FHIT: variants seen among roughly 807,000 people sequenced by gnomAD.
The protein encoded by FHIT is bis(5'-adenosyl)-triphosphatase.
FHIT carries 19 observed loss-of-function variants against 17.9 expected under a neutral mutation model. The observed-to-expected ratio is 1.06, with a 90% CI of 0.74 to 1.56. The LOEUF (loss-of-function observed/expected upper bound fraction) is 1.56. Ranked by LOEUF, FHIT falls within the 40% of genes most tolerant of loss-of-function variation. FHIT has a pLI of 0.00. For missense variants in FHIT, 248 were observed against 189.2 expected (o/e 1.31, Z -1.82); for synonymous variants, 81 against 69.7 (o/e 1.16, Z -0.81).
intron 3 of FHIT, among the ~76,000 whole-genome samples, chr3:61,037,026 C>CT (rs1232902010): frequency 6.6e-6 from 1 of 151,884 alleles, no homozygotes; most frequent in Admixed American, 6.6e-5. Flanking sequence ...ACTCTACTGC[C>CT]TCAGCCTCTC....
chr3:60,795,246 T>C (rs940498477), intron 4 of FHIT, among the ~76,000 whole-genome samples: 18 of 152,228 alleles, frequency 1.2e-4, no homozygotes, highest in African/African-American at 4.3e-4. Flanking sequence ...TTAAATAGAA[T>C]TAACATTATC....
intron 5 of FHIT, among the ~76,000 whole-genome samples, chr3:60,411,904 ACTT>A (rs1312770692): frequency 6.6e-6 from 1 of 152,146 alleles, no homozygotes; most frequent in Non-Finnish European, 1.5e-5. Context: ...CTGCTGGATG[ACTT>A]CTTAGAAAAG....
rs552087079 is a variant in FHIT at position 60,008,063 on chromosome 3, G to A, written c.279+3308C>T. ...ATGACAAAATCCAGGTCCTCACAAA[G>A]CTTACCTTCTCAAAGAACTAGAGAA... On this transcript the variant is annotated intron_variant, in intron 7 of 9. Coordinates refer to ENST00000492590, the MANE Select transcript of FHIT (RefSeq NM_002012.4). 2.0e-5 allele frequency among the ~76,000 whole-genome samples: 3 copies of A among 152,228 alleles called. No individual in the cohort carries two copies. The East Asian group carries it at 5.8e-4, about 29-fold the overall frequency.
At chr3:59,950,624 A>T (rs113203271) in intron 7 of FHIT, among the ~76,000 whole-genome samples, 45 of 152,072 alleles carry the variant, frequency 3.0e-4, no homozygotes, top group Admixed American at 5.9e-4. Context: ...ACTACTCTCC[A>T]CCAGAATCAG....
intron 5 of FHIT, among the ~76,000 whole-genome samples, chr3:60,388,160 C>T (rs1447226050): frequency 2.0e-5 from 3 of 152,162 alleles, no homozygotes; most frequent in African/African-American, 4.8e-5. Context: ...TATTCTTTTA[C>T]AGCACACAAA....
chr3:60,427,276 G>T (rs1041507005), intron 5 of FHIT, among the ~76,000 whole-genome samples: 25 of 152,242 alleles, frequency 1.6e-4, no homozygotes, highest in African/African-American at 5.8e-4. Flanking sequence ...GTAGCCGAAA[G>T]ATAATGGGTG....
intron 1 of FHIT, among the ~76,000 whole-genome samples, chr3:61,239,147 T>C (rs191733590): frequency 6.6e-6 from 1 of 151,334 alleles, no homozygotes; most frequent in African/African-American, 2.4e-5. Context: ...AGCAGATGAG[T>C]GGAAGAGAGG....
intron 5 of FHIT, among the ~76,000 whole-genome samples, chr3:60,029,767 G>A (rs1700907884): frequency 1.3e-5 from 2 of 152,150 alleles, no homozygotes; most frequent in African/African-American, 4.8e-5. Flanking sequence ...CAAGTGAGGA[G>A]AATTACCTAA....
intron 8 of FHIT, among the ~76,000 whole-genome samples, chr3:59,909,364 C>G (rs1704753686): frequency 6.6e-6 from 1 of 151,986 alleles, no homozygotes; most frequent in Non-Finnish European, 1.5e-5. Context: ...GAGTCTGGCT[C>G]TGTCACCCAG....
intron 7 of FHIT, among the ~76,000 whole-genome samples, chr3:59,972,724 C>A (rs566977682): frequency 6.6e-6 from 1 of 152,260 alleles, no homozygotes; most frequent in African/African-American, 2.4e-5. Flanking sequence ...GGCTTATACC[C>A]TAGTTTAGCT....
At chr3:60,581,055 C>T (rs531274783) in intron 4 of FHIT, among the ~76,000 whole-genome samples, 2 of 152,164 alleles carry the variant, frequency 1.3e-5, no homozygotes, top group East Asian at 3.9e-4. Context: ...TTAGAGAGTA[C>T]ACAAGAAGCA....
intron 5 of FHIT, among the ~76,000 whole-genome samples, chr3:60,108,304 G>A (rs12630887): frequency 0.34 from 51,934 of 152,054 alleles, 9,444 homozygotes; most frequent in Non-Finnish European, 0.41. Context: ...ACTTGCAGAA[G>A]CAACTATTGA....
intron 5 of FHIT, among the ~76,000 whole-genome samples, chr3:60,473,841 T>C (rs1238251424): frequency 2.0e-5 from 3 of 151,970 alleles, no homozygotes; most frequent in Admixed American, 6.6e-5. Flanking sequence ...GAGAATTACT[T>C]GAACCCGGGA....
At chr3:60,943,668 T>C (rs1306426217) in intron 3 of FHIT, among the ~76,000 whole-genome samples, 2 of 152,188 alleles carry the variant, frequency 1.3e-5, no homozygotes, top group African/African-American at 4.8e-5. Flanking sequence ...TTCCTAAAAG[T>C]CAGTAATTAT....
intron 4 of FHIT, among the ~76,000 whole-genome samples, chr3:60,543,432 A>C (rs1377348379): frequency 6.6e-6 from 1 of 152,226 alleles, no homozygotes; most frequent in Admixed American, 6.5e-5. Context: ...GGTGAGGGGA[A>C]TGTGACATCT....
intron 7 of FHIT, among the ~76,000 whole-genome samples, chr3:59,976,834 A>G (rs569355104): frequency 6.6e-5 from 10 of 152,260 alleles, no homozygotes; most frequent in African/African-American, 2.4e-4. Context: ...AACTTATACA[A>G]CAAAGACATC....
At chr3:60,338,343 A>T (rs558701176) in intron 5 of FHIT, among the ~76,000 whole-genome samples, 1 of 152,158 alleles carries the variant, frequency 6.6e-6, no homozygotes, top group African/African-American at 2.4e-5. Flanking sequence ...TAAATCATCT[A>T]ATTATTTAGA....
At chr3:60,815,448 T>C (rs782306140) in intron 4 of FHIT, among the ~76,000 whole-genome samples, 1 of 152,188 alleles carries the variant, frequency 6.6e-6, no homozygotes, top group African/African-American at 2.4e-5. Flanking sequence ...TTCATTCTTC[T>C]GTATATGGCT....
At chr3:61,054,121 A>C (rs1411464469) in intron 2 of FHIT, among the ~76,000 whole-genome samples, 1 of 152,144 alleles carries the variant, frequency 6.6e-6, no homozygotes, top group Non-Finnish European at 1.5e-5. Flanking sequence ...CTTCATAAGA[A>C]ATGAAGTCTT....
Sources: gnomAD v4.1 joint callset for allele counts (sites outside exome capture counted in the v4.1 genomes callset) on GRCh38, gnomAD v4.1.1 for gene constraint, MANE v1.5 for transcripts, NCBI Gene and HGNC (gene_info 2026-07-23, HGNC 2026-07-21) for gene names.